Variants in CLK3 observed in about 807,000 individuals in gnomAD.
CLK3 encodes the protein dual specificity protein kinase CLK3.
In CLK3, 24 loss-of-function variants were observed where a neutral mutation model predicts 65.2. The ratio of observed to expected loss-of-function variants is 0.37; its 90% confidence interval spans 0.27 to 0.52. The LOEUF (loss-of-function observed/expected upper bound fraction) is 0.52, where lower values mean the gene tolerates loss of function less well. Ranked by LOEUF, CLK3 falls within the 20% of genes least tolerant of loss-of-function variation. CLK3 has a pLI of 0.92. For missense variants in CLK3, 506 were observed against 660.0 expected, an observed-to-expected ratio of 0.77 and a Z score of 2.56; for synonymous variants, 252 against 240.8, an observed-to-expected ratio of 1.05 and a Z score of -0.43.
At position 74,620,224 on chromosome 15, in the gene CLK3, C is replaced by T. The variant is rs955519680; in HGVS notation, c.368C>T (p.Ser123Leu). 5 of 1,613,944 alleles carry T rather than the reference C, an allele frequency of 3.1e-6. No individual in the cohort carries two copies. The highest frequency in any genetic ancestry group is 3.4e-6 in the Non-Finnish European group (4 of 1,179,996). The part of the protein sequence containing the change: ...RRTRSCSSAS[S>L]RSQQSSKRSS... ...ACCAGGTCTTGTAGCAGCGCCTCCT[C>T]GGTGAGTGGTAGCCAGAGTGTGCTG... Residue 123 changes from serine (S) to leucine (L), a missense_variant and splice_region_variant, in exon 3 of 13, where the codon TCG (serine) becomes TTG (leucine). This residue lies in a region of CLK3 where 325 missense variants were observed against 500.5 expected (regional missense o/e 0.65). Transcript: ENST00000395066.
At chr15:74,620,420 C>G in intron 3 of CLK3, 195 bp downstream of exon 3, 1 of 758,638 alleles carries the variant, frequency 1.3e-6, no homozygotes, top group Non-Finnish European at 2.1e-6. Flanking sequence ...TGTCTTCTGG[C>G]TCTTTCCAGT....
At chr15:74,615,937 G>T (rs772261357) in intron 1 of CLK3, 39 bp downstream of exon 1, 4 of 1,233,902 alleles carry the variant, frequency 3.2e-6, no homozygotes, top group Non-Finnish European at 2.0e-6. Context: ...GACAGCGGCG[G>T]CGGCGGCCGG....
At chr15:74,618,651 T>C (rs569690191) in intron 1 of CLK3, among the ~76,000 whole-genome samples, 1 of 152,330 alleles carries the variant, frequency 6.6e-6, no homozygotes, top group South Asian at 2.1e-4. Flanking sequence ...CTCCTCATGC[T>C]CACTTGTGGT....
Position 74,622,833 on chromosome 15 carries a change from G to A in CLK3, c.533+273G>A, listed in dbSNP as rs1385873589. 6.6e-6 allele frequency among the ~76,000 whole-genome samples: 1 copy of A among 152,208 alleles called. No homozygotes were observed. The highest frequency in any genetic ancestry group is 1.5e-5 in the Non-Finnish European group (1 of 68,032). ...CCAATCTCTTCACTTCTCCAGGGCT[G>A]TGGTGGTGGATATCAGAACAGGGCC... On this transcript the variant is annotated intron_variant, in intron 5 of 12. Transcript: ENST00000395066. The surrounding 1 kb of genome is among the most constrained non-coding windows in gnomAD (Gnocchi z 4.6).
At chr15:74,626,970 G>C (rs371883562) in intron 7 of CLK3, 4 of 460,954 alleles carry the variant, frequency 8.7e-6, no homozygotes, top group African/African-American at 4.0e-5. Flanking sequence ...CAGGGGACCT[G>C]CATTTTCATT....
chr15:74,624,535 CTGG>C lies in CLK3; in HGVS notation c.534-366_534-364del. 1 of 198,434 alleles carries C rather than the reference CTGG, an allele frequency of 5.0e-6. No individual in the cohort carries two copies. Among genetic ancestry groups the C allele is most frequent in the South Asian group, 1.6e-4 (1 of 6,262 alleles). 12.3% of individuals were successfully genotyped at this position (198,434 alleles called of 1,614,324 possible). On this transcript the variant is annotated intron_variant, in intron 5 of 12. Transcript: ENST00000395066. The surrounding 1 kb of genome is among the most constrained non-coding windows in gnomAD (Gnocchi z 4.2). ...GCAGGAGGGTTCTCGGTGGGACAGC[CTGG>C]CCAGGGTTGGGGCTGCCTGGCCTAT...
intron 12 of CLK3, chr15:74,629,481 TCAACCCAG>T: frequency 1.7e-6 from 1 of 579,964 alleles, no homozygotes. Context: ...GGCAGAGGCA[TCAACCCAG>T]CAAGACACCT....
chr15:74,627,609 A>G lies in CLK3; in HGVS notation c.983A>G (p.His328Arg). Reference protein sequence around the residue: ...VADFGSATFDHEHHTTIVATR... With the variant: ...VADFGSATFDREHHTTIVATR... ...GACTTTGGCAGTGCCACATTTGACCATGAGCACCACACCACCATTGTGGCC... is the reference window on the plus strand; with the variant it reads ...GACTTTGGCAGTGCCACATTTGACCGTGAGCACCACACCACCATTGTGGCC... The change falls in exon 9 of 13, where the codon CAT (histidine) becomes CGT (arginine). Residue 328 changes from histidine (H) to arginine (R), a missense_variant. Coordinates refer to ENST00000395066, the MANE Select transcript of CLK3 (RefSeq NM_001130028.2). This position sits in a 1 kb window ranked among gnomAD's most constrained non-coding sequence, Gnocchi z 4.3. 6.2e-7 allele frequency: 1 copy of G among 1,614,146 alleles called. No individual in the cohort carries two copies. The highest frequency in any genetic ancestry group is 8.5e-7 in the Non-Finnish European group (1 of 1,180,026).
Position 74,625,914 on chromosome 15 carries a change from T to C in CLK3, c.763T>C (p.Tyr255His), listed in dbSNP as rs780366161. Residue 255 changes from tyrosine (Y) to histidine (H), a missense_variant, in exon 7 of 13, where the codon TAC becomes CAC. This residue lies in a region of CLK3 where 325 missense variants were observed against 500.5 expected (regional missense o/e 0.65). Transcript: ENST00000395066. ...EFLKENNFQP[Y>H]PLPHVRHMAY... ...CCTGAAGGAGAATAACTTCCAGCCT[T>C]ACCCCCTACCACATGTCCGGCACAT... is the stretch of plus-strand genomic sequence containing the variant. 2 of 1,614,138 alleles carry C rather than the reference T, an allele frequency of 1.2e-6. No individual in the cohort carries two copies. The highest frequency in any genetic ancestry group is 1.7e-6 in the Non-Finnish European group (2 of 1,179,990).
upstream of CLK3, chr15:74,615,798 G>A (rs2062051227): frequency 8.0e-7 from 1 of 1,243,012 alleles, no homozygotes; most frequent in South Asian, 3.5e-5. Context: ...GCTGCGTCAC[G>A]CGAGGGGGCG....
At chr15:74,610,049 C>T (rs2061968484) in intron 1 of CLK3, among the ~76,000 whole-genome samples, 1 of 152,246 alleles carries the variant, frequency 6.6e-6, no homozygotes, top group East Asian at 1.9e-4. Context: ...GATAATGCTT[C>T]AATAATGAGG....
Position 74,628,841 on chromosome 15 carries a change from C to T in CLK3, c.1206-101C>T. 2.9e-6 allele frequency: 3 copies of T among 1,031,468 alleles called. No homozygotes were observed. The East Asian group carries it at 7.2e-5, about 25-fold the overall frequency. The allele number at this position is 1,031,468 out of a possible 1,614,324, so 63.9% of individuals were successfully genotyped here. The stretch of plus-strand genomic sequence containing the variant: ...CTGTGTGCCCCTGCAGACCTGTTGC[C>T]CTGGTTCTGCTGCTGTCTTGGGAGC... On this transcript the variant is annotated intron_variant, in intron 11 of 12. Coordinates refer to ENST00000395066, the MANE Select transcript of CLK3 (RefSeq NM_001130028.2).
At chr15:74,626,089 AC>A in intron 7 of CLK3, 121 bp downstream of exon 7, 1 of 1,130,468 alleles carries the variant, frequency 8.8e-7, no homozygotes, top group South Asian at 1.4e-5. Flanking sequence ...CCTGAGGGAC[AC>A]CAGATCCCCT....
chr15:74,619,121 G>C, intron 1 of CLK3, 76 bp from the exon 2 acceptor site: 1 of 1,573,900 alleles, frequency 6.4e-7, no homozygotes, highest in Non-Finnish European at 8.6e-7. Flanking sequence ...AGGAGCAACC[G>C]GGAAGCCCCA....
Position 74,627,557 on chromosome 15 carries a change from G to T in CLK3, c.931G>T (p.Val311Leu). 6.2e-7 allele frequency: 1 copy of T among 1,614,248 alleles called. No individual in the cohort carries two copies. Among genetic ancestry groups the T allele is most frequent in the East Asian group, 2.2e-5 (1 of 44,888 alleles). Reference sequence around the variant, plus strand: ...CTTTCAGAGCTGTGAGGAGAAGTCAGTGAAGAACACCAGCATCCGAGTGGC... The same window carrying T: ...CTTTCAGAGCTGTGAGGAGAAGTCATTGAAGAACACCAGCATCCGAGTGGC... The part of the protein sequence containing the change: ...NEHKSCEEKS[V>L]KNTSIRVADF... Residue 311 changes from valine to leucine, a missense_variant, in exon 9 of 13, where the codon GTG becomes TTG. Physicochemically the swap from Val to Leu is conservative, Grantham distance 32. Coordinates refer to ENST00000395066, the MANE Select transcript of CLK3 (RefSeq NM_001130028.2). The surrounding 1 kb of genome is among the most constrained non-coding windows in gnomAD (Gnocchi z 4.3).
Position 74,629,837 on chromosome 15 carries a change from C to T in CLK3, c.1427C>T (p.Thr476Ile). 1 of 1,611,456 alleles carries T rather than the reference C, an allele frequency of 6.2e-7. No homozygotes were observed. The highest frequency in any genetic ancestry group is 8.5e-7 in the Non-Finnish European group (1 of 1,178,970). ...ALLHPFFAGLTPEERSFHTSR... is the reference protein window; with the variant it reads ...ALLHPFFAGLIPEERSFHTSR... Reference sequence around the variant, plus strand: ...CTGCACCCCTTCTTTGCTGGCCTGACCCCTGAGGAGCGGTCCTTCCACACC... The same window carrying T: ...CTGCACCCCTTCTTTGCTGGCCTGATCCCTGAGGAGCGGTCCTTCCACACC... The change falls in exon 13 of 13, where the codon ACC (threonine) becomes ATC (isoleucine). Residue 476 changes from threonine to isoleucine, a missense_variant. By Grantham distance (89) the Thr-to-Ile change is moderately conservative. This residue lies in a region of CLK3 where 325 missense variants were observed against 500.5 expected (regional missense o/e 0.65). Coordinates refer to ENST00000395066, the MANE Select transcript of CLK3 (RefSeq NM_001130028.2).
Position 74,624,546 on chromosome 15 carries a change from T to TCATTAAAAAA in CLK3, c.534-356_534-355insCATTAAAAAA. 2 of 203,946 alleles carry TCATTAAAAAA rather than the reference T, an allele frequency of 9.8e-6. No homozygotes were observed. Among genetic ancestry groups the TCATTAAAAAA allele is most frequent in the Admixed American group, 6.0e-5 (1 of 16,792 alleles). 12.6% of individuals were successfully genotyped at this position (203,946 alleles called of 1,614,324 possible). ...CTCGGTGGGACAGCCTGGCCAGGGT[T>TCATTAAAAAA]GGGGCTGCCTGGCCTATAGGTTAGG... On this transcript the variant is annotated intron_variant, in intron 5 of 12. Coordinates refer to ENST00000395066, the MANE Select transcript of CLK3 (RefSeq NM_001130028.2). The surrounding 1 kb of genome is among the most constrained non-coding windows in gnomAD (Gnocchi z 4.2).
intron 12 of CLK3, 163 bp downstream of exon 12, chr15:74,629,195 T>C (rs914790722): frequency 1.4e-5 from 10 of 715,586 alleles, no homozygotes; most frequent in Non-Finnish European, 2.6e-5. Flanking sequence ...TGGGGCTTCT[T>C]GCAAACTGCC....
intron 3 of CLK3, 78 bp downstream of exon 3, chr15:74,620,303 C>A: frequency 6.3e-7 from 1 of 1,578,602 alleles, no homozygotes; most frequent in South Asian, 1.1e-5. Flanking sequence ...CTGGCTGGTC[C>A]GGGTGAGTAC....
Sources: allele counts gnomAD v4.1 joint callset (sites outside exome capture counted in the v4.1 genomes callset), GRCh38; gene constraint gnomAD v4.1.1; regional missense constraint gnomAD v4.1.1; non-coding constraint Gnocchi (gnomAD v3.1); transcripts MANE v1.5; gene names NCBI Gene and HGNC (gene_info 2026-07-23, HGNC 2026-07-21).